Variants in CYTH4 observed in about 807,000 individuals in gnomAD.
CYTH4 encodes cytohesin 4.
Under a neutral mutation model 57.5 loss-of-function variants are expected in CYTH4, and 22 were observed. The observed-to-expected ratio is 0.38, with a 90% CI of 0.27 to 0.55. CYTH4 has a LOEUF of 0.55. CYTH4 is among the 20% of genes least tolerant of loss of function. CYTH4 has a pLI of 0.74. For missense variants in CYTH4, 420 were observed against 535.6 expected, an observed-to-expected ratio of 0.78 and a Z score of 2.13; for synonymous variants, 186 against 206.5, an observed-to-expected ratio of 0.90 and a Z score of 0.85.
At chr22:37,285,203 G>C (rs1928506203) in intron 1 of CYTH4, among the ~76,000 whole-genome samples, 1 of 152,222 alleles carries the variant, frequency 6.6e-6, no homozygotes, top group Non-Finnish European at 1.5e-5. Context: ...GAAGGACAAA[G>C]AGGAAGTGGG....
intron 4 of CYTH4, among the ~76,000 whole-genome samples, chr22:37,297,327 T>C (rs185098037): frequency 7.9e-5 from 12 of 152,132 alleles, no homozygotes; most frequent in African/African-American, 2.9e-4. Flanking sequence ...GTACCTGGCA[T>C]GAACCTGGTT....
Position 37,311,091 on chromosome 22 carries a change from C to T in CYTH4, c.885+27C>T. 1 of 1,610,170 alleles carries T rather than the reference C, an allele frequency of 6.2e-7. No individual in the cohort carries two copies. Among genetic ancestry groups the T allele is most frequent in the Non-Finnish European group, 8.5e-7 (1 of 1,176,692 alleles). On this transcript the variant is annotated intron_variant, in intron 10 of 12. Transcript: ENST00000248901. The surrounding 1 kb of genome is among the most constrained non-coding windows in gnomAD (Gnocchi z 4.4). ...TGAGCAGGGTTCTCCTGGGCCTTCC[C>T]CTGCCCCCGCCTCTCCCCGCACAAC...
At chr22:37,292,248 G>C (rs1217646302) in intron 1 of CYTH4, 1 of 197,552 alleles carries the variant, frequency 5.1e-6, no homozygotes, top group Non-Finnish European at 1.0e-5. Context: ...TGCCTTCAGC[G>C]AGTGTTTAAC....
chr22:37,291,291 A>C (rs1338017458), intron 1 of CYTH4, among the ~76,000 whole-genome samples: 1 of 152,216 alleles, frequency 6.6e-6, no homozygotes, highest in East Asian at 1.9e-4. Context: ...GGCTCCATCT[A>C]GCCTGGTGCC....
At chr22:37,285,689 T>C (rs530717164) in intron 1 of CYTH4, among the ~76,000 whole-genome samples, 7 of 152,058 alleles carry the variant, frequency 4.6e-5, no homozygotes, top group Admixed American at 1.3e-4. Flanking sequence ...CCAGCCTGGG[T>C]AACAGACAGA....
chr22:37,286,116 C>G (rs1358901302), intron 1 of CYTH4, among the ~76,000 whole-genome samples: 1 of 152,090 alleles, frequency 6.6e-6, no homozygotes, highest in East Asian at 1.9e-4. Flanking sequence ...TGGGTGGGGG[C>G]AACTGCAGGC....
At chr22:37,287,271 T>C (rs1165374636) in intron 1 of CYTH4, among the ~76,000 whole-genome samples, 1 of 151,860 alleles carries the variant, frequency 6.6e-6, no homozygotes, top group East Asian at 1.9e-4. Flanking sequence ...ACCAGGAAGG[T>C]CGGCCTAGGA....
intron 2 of CYTH4, among the ~76,000 whole-genome samples, chr22:37,293,956 AG>A (rs1928845398): frequency 6.6e-6 from 1 of 151,794 alleles, no homozygotes; most frequent in African/African-American, 2.4e-5. Context: ...AAGAGGGCCT[AG>A]GCTGCCTGTG....
chr22:37,287,571 G>A lies in CYTH4; in HGVS notation c.19+4983G>A, dbSNP rs566607041. 1.1e-4 allele frequency among the ~76,000 whole-genome samples: 16 copies of A among 151,560 alleles called. No homozygotes were observed. The South Asian group carries it at 1.5e-3, about 14-fold the overall frequency. ...AACGGCCTCCCCGCCAGCTCCTGCC[G>A]GAAGAGTTCCGGAGCCAGCTTCCAG... On this transcript the variant is annotated intron_variant, in intron 1 of 12. Coordinates refer to ENST00000248901, the MANE Select transcript of CYTH4 (RefSeq NM_013385.5).
At position 37,292,605 on chromosome 22, in the gene CYTH4, G is replaced by T; in HGVS notation, c.20-16G>T. 1 of 1,612,910 alleles carries T rather than the reference G, an allele frequency of 6.2e-7. No individual in the cohort carries two copies. Among genetic ancestry groups the T allele is most frequent in the Non-Finnish European group, 8.5e-7 (1 of 1,179,332 alleles). ...CTGGAGCCAAGTGATGGGGAAGGCC[G>T]GTTGTCTCTCTGTAGAGCCCGCGGA... On this transcript the variant is annotated splice_polypyrimidine_tract_variant and intron_variant, in intron 1 of 12. Transcript: ENST00000248901.
At chr22:37,297,791 C>T (rs1286957305) in intron 5 of CYTH4, 109 bp downstream of exon 5, 1 of 930,990 alleles carries the variant, frequency 1.1e-6, no homozygotes, top group Non-Finnish European at 1.7e-6. Context: ...AGTCATCACT[C>T]CTAGTGCTTG....
rs1929628214 is a variant in CYTH4, at chr22:37,311,206, G to A, written c.885+142G>A. On this transcript the variant is annotated intron_variant, in intron 10 of 12. Transcript: ENST00000248901. The surrounding 1 kb of genome is among the most constrained non-coding windows in gnomAD (Gnocchi z 4.4). ...CCCCCTCCATGCCCATTTTACAGAT[G>A]GGGAAAACGGGTACACAGAGGAGGG... 1 of 1,022,294 alleles carries A rather than the reference G, an allele frequency of 9.8e-7. No homozygotes were observed. 63.3% of individuals were successfully genotyped at this position (1,022,294 alleles called of 1,614,324 possible). A position where few individuals can be genotyped will look rare whatever the true frequency, so the allele number is the denominator to read the frequency against.
chr22:37,310,963 A>G (rs767950459), intron 9 of CYTH4, 25 bp from the exon 10 acceptor site: 2 of 1,613,602 alleles, frequency 1.2e-6, no homozygotes, highest in Non-Finnish European at 1.7e-6. Flanking sequence ...AGGACTGACC[A>G]GCTTGCTACA....
rs1322250038 is a variant in CYTH4, at chr22:37,313,460, C to T, written c.1134C>T (p.Pro378=). Residue 378 remains proline, a synonymous_variant, in exon 13 of 13, where the codon CCC becomes CCT. Transcript: ENST00000248901. ...CTAGAGCCAGCATCACCCGTGTCCCCTTCTACGACCTGGTCTCTACTCGGA... is the reference window on the plus strand; with the variant it reads ...CTAGAGCCAGCATCACCCGTGTCCCTTTCTACGACCTGGTCTCTACTCGGA... The part of the protein sequence containing the change: ...ESIRASITRV[P]FYDLVSTRKK... 3 of 1,614,098 alleles carry T rather than the reference C, an allele frequency of 1.9e-6. No homozygotes were observed. In the Admixed American group the frequency reaches 5.0e-5, roughly 27 times the overall value.
Position 37,314,021 on chromosome 22 carries a change from G to A in CYTH4, c.*510G>A, listed in dbSNP as rs574213614. On this transcript the variant is annotated 3_prime_UTR_variant, in exon 13 of 13. Transcript: ENST00000248901. ...GGCCCTCTCTGCCTGAGAGAGCTCAGCACACACACAGCTCAGACCCACGGA... is the reference window on the plus strand; with the variant it reads ...GGCCCTCTCTGCCTGAGAGAGCTCAACACACACACAGCTCAGACCCACGGA... 3.6e-6 allele frequency: 1 copy of A among 274,822 alleles called. No individual in the cohort carries two copies. The highest frequency in any genetic ancestry group is 2.2e-5 in the African/African-American group (1 of 46,018). 17.0% of individuals were successfully genotyped at this position (274,822 alleles called of 1,614,324 possible).
chr22:37,313,896 G>C lies in CYTH4; in HGVS notation c.*385G>C, dbSNP rs1929747343. ...TTAGATGCTGTCAGCCCTCAACGTAGGAGGGGCCGTGGGGTCCCTAAGTGA... is the reference window on the plus strand; with the variant it reads ...TTAGATGCTGTCAGCCCTCAACGTACGAGGGGCCGTGGGGTCCCTAAGTGA... On this transcript the variant is annotated 3_prime_UTR_variant, in exon 13 of 13. Coordinates refer to ENST00000248901, the MANE Select transcript of CYTH4 (RefSeq NM_013385.5). 1.1e-5 allele frequency: 3 copies of C among 266,466 alleles called. No homozygotes were observed. In the South Asian group the frequency reaches 2.1e-4, roughly 18 times the overall value. The allele number at this position is 266,466 out of a possible 1,614,324, so 16.5% of individuals were successfully genotyped here. A position where few individuals can be genotyped will look rare whatever the true frequency, so the allele number is the denominator to read the frequency against.
rs150393163 is a variant in CYTH4, at chr22:37,311,052, C to T, written c.873C>T (p.Phe291=). 21 of 1,614,070 alleles carry T rather than the reference C, an allele frequency of 1.3e-5. No homozygotes were observed. The African/African-American group carries it at 2.5e-4, about 19-fold the overall frequency. The stretch of plus-strand genomic sequence containing the variant: ...TGACCGACAACTGCCTCTACTACTT[C>T]GAGTTCACCACTGTGAGCAGGGTTC... ...FILTDNCLYY[F]EFTTDKEPRG... is the part of the protein sequence containing the mutation. Residue 291 remains phenylalanine (F), a synonymous_variant, in exon 10 of 13, where the codon TTC becomes TTT. Transcript: ENST00000248901. The surrounding 1 kb of genome is among the most constrained non-coding windows in gnomAD (Gnocchi z 4.4).
intron 4 of CYTH4, 107 bp from the exon 5 acceptor site, chr22:37,297,457 G>A: frequency 1.0e-6 from 1 of 976,128 alleles, no homozygotes; most frequent in Non-Finnish European, 1.6e-6. Flanking sequence ...GCCAACACCA[G>A]AATGCCAGGC....
chr22:37,297,889 G>A (rs1929035188), intron 5 of CYTH4: 1 of 469,890 alleles, frequency 2.1e-6, no homozygotes, highest in Non-Finnish European at 4.0e-6. Flanking sequence ...AATAAATGTT[G>A]CTCAGGGTCT....
Sources: gnomAD v4.1 joint callset for allele counts (sites outside exome capture counted in the v4.1 genomes callset) on GRCh38, gnomAD v4.1.1 for gene constraint, Gnocchi (gnomAD v3.1) non-coding constraint, MANE v1.5 for transcripts, NCBI Gene and HGNC (gene_info 2026-07-23, HGNC 2026-07-21) for gene names.